KIAA1549L: variants seen among roughly 807,000 people sequenced by gnomAD.
The protein encoded by KIAA1549L is UPF0606 protein KIAA1549L.
A neutral mutation model predicts 160.7 loss-of-function variants in KIAA1549L; 88 were observed. The ratio of observed to expected loss-of-function variants is 0.55; its 90% CI spans 0.46 to 0.65. KIAA1549L has a LOEUF of 0.65. Ranked by LOEUF, KIAA1549L falls within the 30% of genes least tolerant of loss-of-function variation. The probability of loss-of-function intolerance (pLI) is 0.00; values close to 1 mark genes in which losing one functional copy is unlikely to be tolerated. For missense variants in KIAA1549L, 2,258 were observed against 2,437.5 expected (o/e 0.93, Z 1.55); for synonymous variants, 950 against 976.7 (o/e 0.97, Z 0.51).
intron 1 of KIAA1549L, among the ~76,000 whole-genome samples, chr11:33,403,864 A>T (rs1267762926): frequency 2.6e-5 from 4 of 152,194 alleles, no homozygotes; most frequent in Admixed American, 1.3e-4. Flanking sequence ...TTGAAATTAT[A>T]TGTTTAAATC....
At chr11:33,440,748 CCTT>C (rs1334679851) in intron 1 of KIAA1549L, among the ~76,000 whole-genome samples, 12 of 152,244 alleles carry the variant, frequency 7.9e-5, no homozygotes, top group African/African-American at 2.6e-4. Flanking sequence ...GCATCTCAGA[CCTT>C]CTTTTCTGAG....
intron 1 of KIAA1549L, among the ~76,000 whole-genome samples, chr11:33,533,368 T>C (rs1454775701): frequency 1.3e-5 from 2 of 152,216 alleles, no homozygotes; most frequent in Non-Finnish European, 2.9e-5. Flanking sequence ...CACTGTTTTT[T>C]GACATTAGTC....
At chr11:33,629,676 G>A (rs1254217646) in intron 16 of KIAA1549L, among the ~76,000 whole-genome samples, 2 of 151,190 alleles carry the variant, frequency 1.3e-5, no homozygotes, top group Non-Finnish European at 2.9e-5. Context: ...GATTATTCTA[G>A]TTATACATTC....
At chr11:33,447,685 A>G (rs1565141409) in intron 1 of KIAA1549L, among the ~76,000 whole-genome samples, 1 of 151,502 alleles carries the variant, frequency 6.6e-6, no homozygotes, top group African/African-American at 2.4e-5. Flanking sequence ...TCTTCATAGC[A>G]TTAATTACTA....
intron 1 of KIAA1549L, chr11:33,403,137 TAAG>T (rs1850536586): frequency 6.6e-6 from 1 of 150,418 alleles, no homozygotes; most frequent in African/African-American, 2.5e-5. Context: ...TAATGTACAA[TAAG>T]AACTACATTT....
chr11:33,435,816 GTGTA>G (rs1851360333), intron 1 of KIAA1549L, among the ~76,000 whole-genome samples: 5 of 39,564 alleles, frequency 1.3e-4, no homozygotes, highest in Non-Finnish European at 1.7e-4. Context: ...ATATATGTGT[GTGTA>G]TATATATATA....
At chr11:33,426,281 T>C (rs1389267082) in intron 1 of KIAA1549L, among the ~76,000 whole-genome samples, 1 of 152,196 alleles carries the variant, frequency 6.6e-6, no homozygotes, top group Non-Finnish European at 1.5e-5. Flanking sequence ...TCTGAAGTTT[T>C]TTCAGAAGTT....
chr11:33,487,000 C>T (rs926062581), intron 1 of KIAA1549L, among the ~76,000 whole-genome samples: 8 of 152,160 alleles, frequency 5.3e-5, no homozygotes, highest in African/African-American at 1.7e-4. Context: ...AGCCTGTGTA[C>T]ATGATGAATA....
chr11:33,420,652 A>G (rs1312040252), intron 1 of KIAA1549L, among the ~76,000 whole-genome samples: 1 of 152,234 alleles, frequency 6.6e-6, no homozygotes, highest in Non-Finnish European at 1.5e-5. Flanking sequence ...ACCACCCAGC[A>G]GGGAAGTTCA....
At chr11:33,455,707 AT>A (rs1166208573) in intron 1 of KIAA1549L, among the ~76,000 whole-genome samples, 1 of 152,162 alleles carries the variant, frequency 6.6e-6, no homozygotes, top group Non-Finnish European at 1.5e-5. Context: ...TCTGAGAGAC[AT>A]TTTTTTCCTA....
intron 9 of KIAA1549L, 113 bp downstream of exon 9, chr11:33,568,340 T>C: frequency 1.0e-6 from 1 of 966,470 alleles, no homozygotes; most frequent in Admixed American, 3.2e-5. Context: ...TGCTGCCAAC[T>C]GACTAAGCCA....
At chr11:33,404,716 A>G (rs1454635125) in intron 1 of KIAA1549L, among the ~76,000 whole-genome samples, 1 of 151,976 alleles carries the variant, frequency 6.6e-6, no homozygotes, top group African/African-American at 2.4e-5. Flanking sequence ...AAACAAAATA[A>G]AAGTTATTTA....
intron 17 of KIAA1549L, among the ~76,000 whole-genome samples, chr11:33,651,450 A>G (rs911796726): frequency 2.0e-5 from 3 of 148,660 alleles, no homozygotes; most frequent in Admixed American, 2.0e-4. Flanking sequence ...AAAGAAAAAA[A>G]AAAAAAAGAA....
chr11:33,579,565 A>G (rs1855566785), intron 10 of KIAA1549L, among the ~76,000 whole-genome samples: 1 of 151,504 alleles, frequency 6.6e-6, no homozygotes, highest in Non-Finnish European at 1.5e-5. Context: ...CCCACTTACT[A>G]TGTGCTTAAC....
intron 10 of KIAA1549L, among the ~76,000 whole-genome samples, chr11:33,578,038 T>C (rs898939311): frequency 2.0e-5 from 3 of 152,160 alleles, no homozygotes; most frequent in Non-Finnish European, 2.9e-5. Flanking sequence ...CCTTCACTCC[T>C]CAAGGCCACC....
intron 1 of KIAA1549L, among the ~76,000 whole-genome samples, chr11:33,484,076 A>G (rs1476782214): frequency 6.6e-6 from 1 of 152,180 alleles, no homozygotes; most frequent in Non-Finnish European, 1.5e-5. Context: ...TTTTTCAAAG[A>G]GCAAAAACCA....
At chr11:33,631,355 C>T (rs947711772) in intron 16 of KIAA1549L, among the ~76,000 whole-genome samples, 14 of 152,204 alleles carry the variant, frequency 9.2e-5, no homozygotes, top group East Asian at 5.8e-4. Context: ...TTCTCATCTC[C>T]GGGTTTTTGC....
intron 14 of KIAA1549L, among the ~76,000 whole-genome samples, chr11:33,607,369 C>T (rs1850534115): frequency 1.3e-5 from 2 of 151,424 alleles, no homozygotes; most frequent in African/African-American, 2.4e-5. Context: ...TCCTAAGAGT[C>T]TGAAAAAAAA....
chr11:33,475,112 T>A (rs1695777635), intron 1 of KIAA1549L, among the ~76,000 whole-genome samples: 1 of 152,166 alleles, frequency 6.6e-6, no homozygotes, highest in South Asian at 2.1e-4. Flanking sequence ...TCTCCTGCAA[T>A]GACTTTCTGA....
Sources: allele counts gnomAD v4.1 joint callset (sites outside exome capture counted in the v4.1 genomes callset), GRCh38; gene constraint gnomAD v4.1.1; transcripts MANE v1.5; gene names NCBI Gene and HGNC (gene_info 2026-07-23, HGNC 2026-07-21).